PTPRD: variants seen among roughly 807,000 people sequenced by gnomAD.
PTPRD encodes protein tyrosine phosphatase receptor type D.
A neutral mutation model predicts 214.5 loss-of-function variants in PTPRD; 34 were observed. That is an observed-to-expected ratio of 0.16 (90% confidence interval 0.12 to 0.21). The LOEUF (loss-of-function observed/expected upper bound fraction) is 0.21, where lower values mean the gene tolerates loss of function less well. PTPRD is among the 10% of genes least tolerant of loss of function. The probability of loss-of-function intolerance (pLI) is 1.00; values close to 1 mark genes in which losing one functional copy is unlikely to be tolerated. For synonymous variants in PTPRD, 1,128 were observed against 845.7 expected, an observed-to-expected ratio of 1.33 and a Z score of -5.79; for missense variants, 2,545 against 2,398.7, an observed-to-expected ratio of 1.06 and a Z score of -1.27.
chr9:9,802,908 A>G (rs1598289463), intron 5 of PTPRD, among the ~76,000 whole-genome samples: 1 of 151,978 alleles, frequency 6.6e-6, no homozygotes. Context: ...ATATAATTTG[A>G]GCTATTTTAA....
chr9:8,638,103 C>CTTTTTTT (rs963311950), intron 12 of PTPRD, among the ~76,000 whole-genome samples: 7 of 127,014 alleles, frequency 5.5e-5, no homozygotes, highest in African/African-American at 1.5e-4. Context: ...GCTGTTCCTT[C>CTTTTTTT]TTTTTTTTTT....
At chr9:9,870,590 A>G (rs1307972692) in intron 5 of PTPRD, among the ~76,000 whole-genome samples, 2 of 152,004 alleles carry the variant, frequency 1.3e-5, no homozygotes, top group East Asian at 3.8e-4. Context: ...TTCTATAAGA[A>G]TTACTTATTA....
At chr9:8,901,859 A>G (rs1212236752) in intron 11 of PTPRD, among the ~76,000 whole-genome samples, 1 of 152,198 alleles carries the variant, frequency 6.6e-6, no homozygotes, top group East Asian at 1.9e-4. Flanking sequence ...TTTCATACAT[A>G]TAAGATGATG....
intron 7 of PTPRD, among the ~76,000 whole-genome samples, chr9:9,723,050 C>A (rs963896158): frequency 1.7e-4 from 26 of 151,986 alleles, no homozygotes; most frequent in Non-Finnish European, 3.7e-4. Context: ...CAATGAAATT[C>A]AATTTATCTA....
At chr9:9,426,251 G>A (rs983810575) in intron 8 of PTPRD, among the ~76,000 whole-genome samples, 9 of 152,196 alleles carry the variant, frequency 5.9e-5, no homozygotes, top group Non-Finnish European at 1.2e-4. Flanking sequence ...TGGCACACCA[G>A]GAGATTATAT....
intron 7 of PTPRD, among the ~76,000 whole-genome samples, chr9:9,733,114 A>G (rs1284343687): frequency 6.6e-6 from 1 of 152,204 alleles, no homozygotes; most frequent in Non-Finnish European, 1.5e-5. Context: ...TAGTCTCGCA[A>G]TAAACAGAAG....
At chr9:8,473,286 G>A (rs529988480) in intron 30 of PTPRD, among the ~76,000 whole-genome samples, 5 of 152,240 alleles carry the variant, frequency 3.3e-5, no homozygotes, top group East Asian at 3.9e-4. Flanking sequence ...CAAGGAGGAT[G>A]AGGAGAAGGC....
intron 14 of PTPRD, among the ~76,000 whole-genome samples, chr9:8,573,480 T>A (rs1377873647): frequency 2.0e-5 from 3 of 151,950 alleles, no homozygotes; most frequent in African/African-American, 7.2e-5. Context: ...GAAGATACTC[T>A]TCACAAGTCA....
At chr9:8,621,281 C>T (rs190346200) in intron 14 of PTPRD, among the ~76,000 whole-genome samples, 2 of 152,034 alleles carry the variant, frequency 1.3e-5, no homozygotes, top group East Asian at 1.9e-4. Context: ...ACACAGGAAG[C>T]GTGGTCCCTG....
intron 6 of PTPRD, among the ~76,000 whole-genome samples, chr9:9,757,962 G>C (rs2098604129): frequency 6.6e-6 from 1 of 151,906 alleles, no homozygotes; most frequent in Non-Finnish European, 1.5e-5. Context: ...TCTGATCTAA[G>C]TCATAATTAT....
At chr9:10,388,899 G>T (rs960609142) in intron 2 of PTPRD, among the ~76,000 whole-genome samples, 2 of 151,692 alleles carry the variant, frequency 1.3e-5, no homozygotes, top group African/African-American at 2.4e-5. Context: ...ATAACCAATT[G>T]TAAGTATTAT....
chr9:8,628,239 G>C (rs1043936974), intron 14 of PTPRD, among the ~76,000 whole-genome samples: 6 of 151,876 alleles, frequency 4.0e-5, no homozygotes, highest in African/African-American at 1.4e-4. Context: ...TTAATAAAAT[G>C]AGACTGTAAT....
intron 9 of PTPRD, among the ~76,000 whole-genome samples, chr9:9,244,700 C>A (rs2099972154): frequency 6.6e-6 from 1 of 152,072 alleles, no homozygotes. Context: ...AAAACCTAGG[C>A]AATACCATTC....
chr9:9,358,841 T>C (rs1006185213), intron 9 of PTPRD, among the ~76,000 whole-genome samples: 9 of 151,298 alleles, frequency 5.9e-5, no homozygotes, highest in African/African-American at 9.7e-5. Context: ...CATTCTTGTA[T>C]AGGAAACTCA....
intron 11 of PTPRD, among the ~76,000 whole-genome samples, chr9:8,766,221 C>T (rs1418845179): frequency 6.6e-6 from 1 of 151,872 alleles, no homozygotes; most frequent in African/African-American, 2.4e-5. Flanking sequence ...CCAGCCGAGG[C>T]CACTGTCTTT....
At chr9:8,801,156 G>C (rs891616485) in intron 11 of PTPRD, among the ~76,000 whole-genome samples, 1 of 152,212 alleles carries the variant, frequency 6.6e-6, no homozygotes, top group Admixed American at 6.5e-5. Context: ...GGTAGTTCAG[G>C]AACTAACCTT....
intron 5 of PTPRD, among the ~76,000 whole-genome samples, chr9:9,935,752 A>G: frequency 6.7e-6 from 1 of 149,340 alleles, no homozygotes; most frequent in Non-Finnish European, 1.5e-5. Flanking sequence ...GAACCAAAAA[A>G]AAAGCCCGCA....
chr9:9,158,088 T>C (rs916170796), intron 10 of PTPRD, among the ~76,000 whole-genome samples: 1 of 152,184 alleles, frequency 6.6e-6, no homozygotes. Context: ...ATGGTATATA[T>C]GTACCATATT....
chr9:9,428,393 A>T (rs1178688010), intron 8 of PTPRD, among the ~76,000 whole-genome samples: 1 of 152,210 alleles, frequency 6.6e-6, no homozygotes, highest in African/African-American at 2.4e-5. Flanking sequence ...GAGCACCCAG[A>T]TTCAAAAAGC....
Sources: gnomAD v4.1 joint callset for allele counts (sites outside exome capture counted in the v4.1 genomes callset) on GRCh38, gnomAD v4.1.1 for gene constraint, MANE v1.5 for transcripts, NCBI Gene and HGNC (gene_info 2026-07-23, HGNC 2026-07-21) for gene names.